The following SLC9C1 variants were observed in gnomAD, a reference collection of about 807,000 sequenced individuals.
SLC9C1 encodes the protein sodium/hydrogen exchanger 10.
Under a neutral mutation model 140.9 loss-of-function variants are expected in SLC9C1, and 97 were observed. The ratio of observed to expected loss-of-function variants is 0.69; its 90% CI spans 0.58 to 0.82. The LOEUF (loss-of-function observed/expected upper bound fraction) is 0.82. SLC9C1 is among the 40% of genes least tolerant of loss of function. The probability of loss-of-function intolerance (pLI) is 0.00; values close to 1 mark genes in which losing one functional copy is unlikely to be tolerated. For synonymous variants in SLC9C1, 440 were observed against 442.6 expected, an observed-to-expected ratio of 0.99 and a Z score of 0.07; for missense variants, 1,340 against 1,389.3, an observed-to-expected ratio of 0.96 and a Z score of 0.56.
chr3:112,176,249 C>A (rs895569009), intron 23 of SLC9C1, among the ~76,000 whole-genome samples: 3 of 152,328 alleles, frequency 2.0e-5, no homozygotes, highest in African/African-American at 7.2e-5. Context: ...AGGGGAGGTT[C>A]CCCTGACTCT....
Position 112,208,305 on chromosome 3 carries a change from A to G in SLC9C1, c.1859T>C (p.Val620Ala). ...TEEFEHVGYL[V>A]ILMNIFPFII... The stretch of plus-strand genomic sequence containing the variant: ...AAAGGGAAATATATTCATTAATATC[A>G]CAAGGTATCCAACATGTTCAAATTC... The change falls in exon 16 of 29, where the codon GTG becomes GCG. Residue 620 changes from valine (V) to alanine (A), a missense_variant. Coordinates refer to ENST00000305815, the MANE Select transcript of SLC9C1 (RefSeq NM_183061.3). 1 of 1,609,684 alleles carries G rather than the reference A, an allele frequency of 6.2e-7. No homozygotes were observed. The highest frequency in any genetic ancestry group is 1.1e-5 in the South Asian group (1 of 90,724).
Position 112,231,499 on chromosome 3 carries a change from T to TA in SLC9C1, c.1447-14dup. 1.9e-6 allele frequency: 3 copies of TA among 1,591,736 alleles called. No individual in the cohort carries two copies. Among genetic ancestry groups the TA allele is most frequent in the Non-Finnish European group, 2.6e-6 (3 of 1,167,828 alleles). ...CTTCTTCGTTCAACTAAATAAAACA[T>TA]AAATAAAAGAACAAAAAATACATGA... is the stretch of plus-strand genomic sequence containing the variant. On this transcript the variant is annotated splice_polypyrimidine_tract_variant and intron_variant, in intron 12 of 28. Coordinates refer to ENST00000305815, the MANE Select transcript of SLC9C1 (RefSeq NM_183061.3).
At chr3:112,253,457 C>T (rs1364952997) in intron 10 of SLC9C1, among the ~76,000 whole-genome samples, 1 of 152,204 alleles carries the variant, frequency 6.6e-6, no homozygotes, top group Admixed American at 6.5e-5. Context: ...CAACTGACCA[C>T]AATACCTAAC....
At chr3:112,237,977 G>A (rs1033981985) in intron 12 of SLC9C1, among the ~76,000 whole-genome samples, 3 of 152,094 alleles carry the variant, frequency 2.0e-5, no homozygotes, top group Non-Finnish European at 4.4e-5. Context: ...GGCATTCTCT[G>A]TATTTCCTGA....
chr3:112,193,687 G>C (rs948451663), intron 20 of SLC9C1, among the ~76,000 whole-genome samples: 3 of 152,102 alleles, frequency 2.0e-5, no homozygotes, highest in Non-Finnish European at 2.9e-5. Flanking sequence ...CTGTTTTTCA[G>C]GTCTTGGGTG....
intron 26 of SLC9C1, among the ~76,000 whole-genome samples, chr3:112,164,294 T>G (rs2107899662): frequency 6.7e-6 from 1 of 149,562 alleles, no homozygotes; most frequent in Middle Eastern, 3.4e-3. Flanking sequence ...TATTGTTTTG[T>G]GTGAATTTGA....
At chr3:112,271,964 A>G (rs1307346093) in intron 6 of SLC9C1, among the ~76,000 whole-genome samples, 2 of 152,118 alleles carry the variant, frequency 1.3e-5, no homozygotes, top group Non-Finnish European at 2.9e-5. Context: ...GCACCAAAAG[A>G]TATTTGCTTC....
chr3:112,222,730 C>T (rs1293773659), intron 13 of SLC9C1, among the ~76,000 whole-genome samples: 1 of 152,024 alleles, frequency 6.6e-6, no homozygotes, highest in Non-Finnish European at 1.5e-5. Context: ...TCCTGAAATA[C>T]ATTAAAATTG....
intron 28 of SLC9C1, among the ~76,000 whole-genome samples, chr3:112,146,366 A>G (rs1291050811): frequency 1.3e-5 from 2 of 151,752 alleles, no homozygotes; most frequent in Non-Finnish European, 1.5e-5. Context: ...TTTGTAGCTC[A>G]TTTGTTCTTG....
intron 10 of SLC9C1, among the ~76,000 whole-genome samples, chr3:112,255,892 G>A (rs1404449476): frequency 6.6e-6 from 1 of 152,090 alleles, no homozygotes; most frequent in African/African-American, 2.4e-5. Flanking sequence ...AAATGACAAA[G>A]TGTATGCTAC....
At chr3:112,189,160 T>A (rs2077599132) in intron 20 of SLC9C1, among the ~76,000 whole-genome samples, 1 of 152,210 alleles carries the variant, frequency 6.6e-6, no homozygotes, top group Admixed American at 6.5e-5. Context: ...TTGCAAAAAT[T>A]TTCTCCCATT....
At chr3:112,269,715 G>A (rs556613699) in intron 7 of SLC9C1, among the ~76,000 whole-genome samples, 3 of 148,252 alleles carry the variant, frequency 2.0e-5, no homozygotes, top group South Asian at 4.5e-4. Context: ...TTTTATAATA[G>A]TGTTTGCTAA....
chr3:112,163,762 G>C (rs111870524), intron 26 of SLC9C1, among the ~76,000 whole-genome samples: 85 of 152,288 alleles, frequency 5.6e-4, no homozygotes, highest in Middle Eastern at 3.4e-3. Flanking sequence ...ATTTGGGGTG[G>C]AGAGTTCTGT....
intron 2 of SLC9C1, among the ~76,000 whole-genome samples, chr3:112,281,474 G>A (rs1316223375): frequency 6.6e-6 from 1 of 152,162 alleles, no homozygotes; most frequent in Admixed American, 6.5e-5. Context: ...GGAGGAGCGG[G>A]AGTCAAATAG....
chr3:112,246,375 T>C (rs562356205), intron 10 of SLC9C1, among the ~76,000 whole-genome samples: 6 of 152,296 alleles, frequency 3.9e-5, no homozygotes, highest in Non-Finnish European at 7.4e-5. Flanking sequence ...TTAAAAACTA[T>C]ATTAAAAAAA....
At chr3:112,195,209 AT>A (rs2077744029) in intron 20 of SLC9C1, among the ~76,000 whole-genome samples, 2 of 152,092 alleles carry the variant, frequency 1.3e-5, no homozygotes, top group Non-Finnish European at 2.9e-5. Flanking sequence ...CAAATCCAAT[AT>A]TTTGAAGTTT....
Position 112,217,472 on chromosome 3 carries a change from T to C in SLC9C1, c.1760A>G (p.Asn587Ser), listed in dbSNP as rs1007697804. ...TGGGCCCTCTTTTTCCTTTCTGGTATTATACACCCAATTAAGTAGTAGTTT... is the reference window on the plus strand; with the variant it reads ...TGGGCCCTCTTTTTCCTTTCTGGTACTATACACCCAATTAAGTAGTAGTTT... ...ARKLLLNWVY[N>S]TRKEKEGPSK... The change falls in exon 15 of 29, where the codon AAT becomes AGT. Residue 587 changes from asparagine (N) to serine (S), a missense_variant. Asn to Ser is a conservative substitution (Grantham distance 46). Transcript: ENST00000305815. 1.9e-6 allele frequency: 3 copies of C among 1,606,720 alleles called. No individual in the cohort carries two copies. The highest frequency in any genetic ancestry group is 1.7e-5 in the Admixed American group (1 of 58,518).
At chr3:112,275,708 C>A (rs1277869835) in intron 5 of SLC9C1, among the ~76,000 whole-genome samples, 2 of 152,136 alleles carry the variant, frequency 1.3e-5, no homozygotes, top group South Asian at 2.1e-4. Context: ...TGTGAATCAA[C>A]CACTCTATAA....
intron 20 of SLC9C1, among the ~76,000 whole-genome samples, chr3:112,196,825 A>G (rs1001817886): frequency 6.6e-6 from 1 of 151,710 alleles, no homozygotes; most frequent in Non-Finnish European, 1.5e-5. Context: ...GAGTTCTTTG[A>G]GCATCTTTAA....
Sources: gnomAD v4.1 joint callset for allele counts (sites outside exome capture counted in the v4.1 genomes callset) on GRCh38, gnomAD v4.1.1 for gene constraint, MANE v1.5 for transcripts, NCBI Gene and HGNC (gene_info 2026-07-23, HGNC 2026-07-21) for gene names.